Variants in ADAMTS20 observed in about 807,000 individuals in gnomAD.
ADAMTS20 encodes the protein A disintegrin and metalloproteinase with thrombospondin motifs 20.
In ADAMTS20, 225 loss-of-function variants were observed where a neutral mutation model predicts 260.1. That is an observed-to-expected ratio of 0.87 (90% CI 0.78 to 0.97). The LOEUF is 0.97. ADAMTS20 is among the 50% of genes least tolerant of loss of function. ADAMTS20 has a pLI of 0.00. For synonymous variants in ADAMTS20, 802 were observed against 769.5 expected (o/e 1.04, Z -0.70); for missense variants, 2,400 against 2,337.7 (o/e 1.03, Z -0.55).
intron 4 of ADAMTS20, among the ~76,000 whole-genome samples, chr12:43,499,654 G>A (rs1036390705): frequency 3.9e-5 from 6 of 151,930 alleles, no homozygotes; most frequent in African/African-American, 1.5e-4. Context: ...ATAGGCACAC[G>A]CCACCATGCC....
intron 2 of ADAMTS20, 56 bp downstream of exon 2, chr12:43,550,853 G>T: frequency 6.8e-7 from 1 of 1,467,892 alleles, no homozygotes; most frequent in South Asian, 1.5e-5. Flanking sequence ...CCCGTTCGCT[G>T]AATGTAGCCC....
rs1941508451 is a variant in ADAMTS20 at position 43,434,355 on chromosome 12, G to A, written c.2610C>T (p.Asn870=). ...GATCACTCTTATGTATGCAAGTTAT[G>A]TTTCTTCGCTGAAGACCTTGGCCAA... The part of the protein sequence containing the change: ...TKMCQGLQRR[N]ITCIHKSDHS... Residue 870 remains asparagine, a synonymous_variant, in exon 19 of 39, where the codon AAC becomes AAT. Transcript: ENST00000389420. The A allele has an allele frequency of 6.3e-7, 1 of 1,585,124 alleles. No homozygotes were observed. Among genetic ancestry groups the A allele is most frequent in the South Asian group, 1.2e-5 (1 of 85,860 alleles).
intron 9 of ADAMTS20, among the ~76,000 whole-genome samples, chr12:43,465,878 A>T (rs1464520913): frequency 6.6e-6 from 1 of 152,024 alleles, no homozygotes; most frequent in Non-Finnish European, 1.5e-5. Context: ...GCATGATTTT[A>T]TTTTTCCCCA....
chr12:43,461,599 G>T (rs928562668), intron 11 of ADAMTS20, among the ~76,000 whole-genome samples: 5 of 152,124 alleles, frequency 3.3e-5, no homozygotes, highest in Admixed American at 3.3e-4. Flanking sequence ...AGAGGAAGGT[G>T]CCAGTCCTGG....
Position 43,551,276 on chromosome 12 carries a change from A to G in ADAMTS20, c.92-6T>C, listed in dbSNP as rs969401926. The G allele has an allele frequency of 1.2e-6, 2 of 1,607,728 alleles. No individual in the cohort carries two copies. Among genetic ancestry groups the G allele is most frequent in the Non-Finnish European group, 8.5e-7 (1 of 1,175,664 alleles). ...CAGTGTCCTCACCAGGGCTTCTGCA[A>G]CAACAGCGACAGGACCAGTGAGCTC... is the stretch of plus-strand genomic sequence containing the variant. On this transcript the variant is annotated splice_polypyrimidine_tract_variant and splice_region_variant and intron_variant, in intron 1 of 38. Transcript: ENST00000389420. This position sits in a 1 kb window ranked among gnomAD's most constrained non-coding sequence, Gnocchi z 4.6.
At chr12:43,431,110 C>G (rs1941433939) in intron 22 of ADAMTS20, among the ~76,000 whole-genome samples, 1 of 152,082 alleles carries the variant, frequency 6.6e-6, no homozygotes, top group African/African-American at 2.4e-5. Flanking sequence ...TTTTGGTTAA[C>G]AAAAGGGAAT....
chr12:43,451,619 T>G (rs1941865237), intron 14 of ADAMTS20, among the ~76,000 whole-genome samples: 1 of 152,150 alleles, frequency 6.6e-6, no homozygotes, highest in South Asian at 2.1e-4. Flanking sequence ...CATAAAAGGT[T>G]CTCTGAATCC....
chr12:43,464,978 G>A (rs1310328852), intron 9 of ADAMTS20, among the ~76,000 whole-genome samples: 1 of 151,986 alleles, frequency 6.6e-6, no homozygotes, highest in Non-Finnish European at 1.5e-5. Flanking sequence ...CTTGAAGGTG[G>A]CAATTTTAAA....
intron 3 of ADAMTS20, among the ~76,000 whole-genome samples, chr12:43,505,095 G>T (rs1477448870): frequency 6.6e-6 from 1 of 152,140 alleles, no homozygotes; most frequent in African/African-American, 2.4e-5. Flanking sequence ...ATGATCAAAT[G>T]ATTTTTGACA....
At chr12:43,443,697 G>T in intron 16 of ADAMTS20, 94 bp downstream of exon 16, 1 of 953,914 alleles carries the variant, frequency 1.0e-6, no homozygotes, top group Non-Finnish European at 1.7e-6. Flanking sequence ...CTTGCTAAAG[G>T]GACTCCTGTT....
At chr12:43,408,118 T>G (rs1490155876) in intron 28 of ADAMTS20, among the ~76,000 whole-genome samples, 1 of 152,188 alleles carries the variant, frequency 6.6e-6, no homozygotes, top group African/African-American at 2.4e-5. Context: ...TTTAACAATT[T>G]CTTTGGGGCC....
intron 29 of ADAMTS20, among the ~76,000 whole-genome samples, chr12:43,395,398 AT>A (rs1255145466): frequency 6.6e-6 from 1 of 152,178 alleles, no homozygotes; most frequent in Non-Finnish European, 1.5e-5. Flanking sequence ...ATACTTATGT[AT>A]TTTTGAAATA....
chr12:43,434,124 TCATGGCATGG>T, intron 19 of ADAMTS20, 111 bp downstream of exon 19: 2 of 1,102,932 alleles, frequency 1.8e-6, no homozygotes, highest in Admixed American at 3.0e-5. Flanking sequence ...TGAAATTTTT[TCATGGCATGG>T]CAGATGATGA....
intron 11 of ADAMTS20, among the ~76,000 whole-genome samples, chr12:43,458,246 A>G (rs778087928): frequency 2.0e-5 from 3 of 152,222 alleles, no homozygotes; most frequent in Admixed American, 6.5e-5. Flanking sequence ...TGAGTTTCTG[A>G]TAAGTATTTC....
Position 43,452,372 on chromosome 12 carries a change from C to T in ADAMTS20, c.1981G>A (p.Ala661Thr). The T allele has an allele frequency of 6.2e-7, 1 of 1,613,238 alleles. No individual in the cohort carries two copies. The highest frequency in any genetic ancestry group is 8.5e-7 in the Non-Finnish European group (1 of 1,179,562). Reference protein sequence around the residue: ...KDRCKLYCQVAGTNYFYLLKD... With the variant: ...KDRCKLYCQVTGTNYFYLLKD... ...AATAGGTAGAAATAATTGGTTCCAG[C>T]AACCTGACAATAGAGTTTACAACGA... Residue 661 changes from alanine to threonine, a missense_variant, in exon 14 of 39, where the codon GCT (alanine) becomes ACT (threonine). Physicochemically the swap from Ala to Thr is moderately conservative, Grantham distance 58. Transcript: ENST00000389420.
intron 7 of ADAMTS20, among the ~76,000 whole-genome samples, chr12:43,486,698 A>C (rs2137422165): frequency 6.6e-6 from 1 of 152,308 alleles, no homozygotes; most frequent in East Asian, 1.9e-4. Context: ...ACTAATATCC[A>C]GAATCTACAA....
intron 28 of ADAMTS20, among the ~76,000 whole-genome samples, chr12:43,424,303 G>T (rs1941289801): frequency 6.6e-6 from 1 of 151,850 alleles, no homozygotes; most frequent in Admixed American, 6.6e-5. Context: ...TCAAAAAAAA[G>T]ATATTTGAAG....
At chr12:43,381,546 T>C (rs10880474) in intron 31 of ADAMTS20, among the ~76,000 whole-genome samples, 114,768 of 149,042 alleles carry the variant, frequency 0.77, 45,294 homozygotes, top group East Asian at 1. Flanking sequence ...CTTTTGGAGG[T>C]CCAGGAGGGA....
rs550365492 is a variant in ADAMTS20, at chr12:43,411,901, C to A, written c.4285-12668G>T. ...GTGACACAGAAAACTTTAGAGAGAACATTTAATAAAATACAAAGAAATCTC... is the reference window on the plus strand; with the variant it reads ...GTGACACAGAAAACTTTAGAGAGAAAATTTAATAAAATACAAAGAAATCTC... On this transcript the variant is annotated intron_variant, in intron 28 of 38. Coordinates refer to ENST00000389420, the MANE Select transcript of ADAMTS20 (RefSeq NM_025003.5). Among the ~76,000 whole-genome samples, 21 of 152,134 alleles carry A rather than the reference C, an allele frequency of 1.4e-4. No homozygotes were observed. In the South Asian group the frequency reaches 4.1e-3, roughly 30 times the overall value.
Sources: gnomAD v4.1 joint callset for allele counts (sites outside exome capture counted in the v4.1 genomes callset) on GRCh38, gnomAD v4.1.1 for gene constraint, Gnocchi (gnomAD v3.1) non-coding constraint, MANE v1.5 for transcripts, NCBI Gene and HGNC (gene_info 2026-07-23, HGNC 2026-07-21) for gene names.